DLGAP1: variants seen among roughly 807,000 people sequenced by gnomAD.
DLGAP1 encodes disks large-associated protein 1.
DLGAP1 carries 11 observed loss-of-function variants against 90.8 expected under a neutral mutation model. The observed-to-expected ratio is 0.12, with a 90% CI of 0.08 to 0.20. DLGAP1 has a LOEUF of 0.20. DLGAP1 is among the 10% of genes least tolerant of loss of function. The pLI, the probability that DLGAP1 is intolerant of heterozygous loss-of-function variation, is 1.00. For missense variants in DLGAP1, 1,050 were observed against 1,333.8 expected (o/e 0.79, Z 3.31); for synonymous variants, 558 against 540.7 (o/e 1.03, Z -0.44).
chr18:3,832,668 CTT>C (rs531665859), intron 4 of DLGAP1, among the ~76,000 whole-genome samples: 1 of 142,612 alleles, frequency 7.0e-6, no homozygotes. Context: ...AGAGAACCTT[CTT>C]TTTTTTTTTT....
chr18:3,840,296 C>T (rs1371158148), intron 4 of DLGAP1, among the ~76,000 whole-genome samples: 1 of 152,144 alleles, frequency 6.6e-6, no homozygotes, highest in Non-Finnish European at 1.5e-5. Flanking sequence ...GTTGTGGAGG[C>T]CAGAAGTCCA....
chr18:4,272,730 T>G (rs1233226938), intron 1 of DLGAP1, among the ~76,000 whole-genome samples: 1 of 152,220 alleles, frequency 6.6e-6, no homozygotes, highest in East Asian at 1.9e-4. Flanking sequence ...TGGCCTACAT[T>G]GTATGCCCTC....
intron 1 of DLGAP1, among the ~76,000 whole-genome samples, chr18:4,398,725 T>C (rs2082489753): frequency 6.6e-6 from 1 of 152,214 alleles, no homozygotes. Flanking sequence ...CAATACTCTA[T>C]GTGTCCATTA....
chr18:4,072,948 A>G (rs7504269), intron 2 of DLGAP1, among the ~76,000 whole-genome samples: 80,840 of 151,988 alleles, frequency 0.53, 22,510 homozygotes, highest in Non-Finnish European at 0.64. Flanking sequence ...ATGTTGGAGT[A>G]AGAACGTGGA....
chr18:4,350,113 T>C (rs957352545), intron 1 of DLGAP1, among the ~76,000 whole-genome samples: 1 of 152,170 alleles, frequency 6.6e-6, no homozygotes, highest in Admixed American at 6.6e-5. Flanking sequence ...TCTTCTTCAA[T>C]GCCTCTGCTG....
intron 1 of DLGAP1, among the ~76,000 whole-genome samples, chr18:4,289,161 AAAG>A (rs1396051510): frequency 1.3e-5 from 2 of 152,184 alleles, no homozygotes; most frequent in South Asian, 4.1e-4. Context: ...TCCTAGGAAC[AAAG>A]AAGGACTGGC....
At chr18:4,086,448 A>C (rs2075682213) in intron 2 of DLGAP1, among the ~76,000 whole-genome samples, 1 of 152,180 alleles carries the variant, frequency 6.6e-6, no homozygotes, top group Non-Finnish European at 1.5e-5. Flanking sequence ...TAATGCTATA[A>C]ATTTTCCTAC....
chr18:3,926,636 C>G (rs56188876), intron 3 of DLGAP1, among the ~76,000 whole-genome samples: 9,188 of 151,626 alleles, frequency 0.061, 353 homozygotes, highest in Non-Finnish European at 0.09. Context: ...CTACATAGAG[C>G]TCTCTATATA....
At chr18:4,232,636 A>G (rs2078324353) in intron 1 of DLGAP1, among the ~76,000 whole-genome samples, 1 of 152,228 alleles carries the variant, frequency 6.6e-6, no homozygotes, top group Non-Finnish European at 1.5e-5. Flanking sequence ...GACATTAAGA[A>G]CAAGGAAACA....
intron 7 of DLGAP1, among the ~76,000 whole-genome samples, chr18:3,589,032 A>C (rs968883034): frequency 8.6e-5 from 13 of 151,686 alleles, no homozygotes; most frequent in African/African-American, 2.9e-4. Context: ...AAATATATAA[A>C]AAAAAATTAA....
At chr18:4,382,606 T>A (rs73941481) in intron 1 of DLGAP1, among the ~76,000 whole-genome samples, 6 of 151,862 alleles carry the variant, frequency 4.0e-5, no homozygotes, top group African/African-American at 1.5e-4. Context: ...ACTTTGCAAT[T>A]AAAAAAACCT....
chr18:3,919,709 T>G (rs1417847618), intron 3 of DLGAP1, among the ~76,000 whole-genome samples: 2 of 152,258 alleles, frequency 1.3e-5, no homozygotes, highest in African/African-American at 4.8e-5. Context: ...TCATCTATGT[T>G]ATTTCACTTA....
chr18:3,678,032 G>A (rs1350157188), intron 7 of DLGAP1, among the ~76,000 whole-genome samples: 1 of 148,412 alleles, frequency 6.7e-6, no homozygotes, highest in African/African-American at 2.5e-5. Context: ...TGCAATCTTG[G>A]CTCACTGCAA....
In DLGAP1 at chr18:3,879,673, G is replaced by A. The variant is rs375163425; in HGVS notation, c.396C>T (p.Ser132=). ...QYKRTAVEHR[S]DSPGRIRHLV... ...GGTGGCGGATGCGGCCGGGGCTGTC[G>A]CTGCGGTGCTCCACGGCCGTGCGCT... Residue 132 remains serine (S), a synonymous_variant, in exon 4 of 13, where the codon AGC becomes AGT. Transcript: ENST00000315677. This position sits in a 1 kb window ranked among gnomAD's most constrained non-coding sequence, Gnocchi z 6.6. 1.9e-6 allele frequency: 3 copies of A among 1,606,584 alleles called. No homozygotes were observed. The highest frequency in any genetic ancestry group is 2.5e-6 in the Non-Finnish European group (3 of 1,179,530).
At chr18:3,904,555 T>A (rs972997114) in intron 3 of DLGAP1, among the ~76,000 whole-genome samples, 2 of 152,194 alleles carry the variant, frequency 1.3e-5, no homozygotes, top group Non-Finnish European at 2.9e-5. Flanking sequence ...GCATTGATCA[T>A]CGGCATTCTT....
Position 3,558,236 on chromosome 18 carries a change from TTTTG to T in DLGAP1, c.2057+9250_2057+9253del, listed in dbSNP as rs1334636213. Among the ~76,000 whole-genome samples, 8 of 152,120 alleles carry T rather than the reference TTTTG, an allele frequency of 5.3e-5. No homozygotes were observed. In the East Asian group the frequency reaches 9.7e-4, roughly 18 times the overall value. ...TTCAAGAACTCATGTATTTTGTAGT[TTTTG>T]TTTGTTTGTTTGTTTGTTTTGAGAC... On this transcript the variant is annotated intron_variant, in intron 9 of 12. Transcript: ENST00000315677.
intron 1 of DLGAP1, among the ~76,000 whole-genome samples, chr18:4,355,119 T>A (rs1039812966): frequency 3.3e-5 from 5 of 152,024 alleles, no homozygotes; most frequent in Admixed American, 2.0e-4. Context: ...GCAATGACAC[T>A]CTTAGGCATT....
intron 5 of DLGAP1, among the ~76,000 whole-genome samples, chr18:3,772,274 CCTTT>C (rs1179853090): frequency 2.7e-5 from 4 of 148,450 alleles, no homozygotes; most frequent in Non-Finnish European, 4.5e-5. Flanking sequence ...CTCTTTCCTT[CCTTT>C]CTCTCCTTTT....
intron 7 of DLGAP1, among the ~76,000 whole-genome samples, chr18:3,692,106 T>C (rs777622684): frequency 6.6e-6 from 1 of 152,182 alleles, no homozygotes; most frequent in Middle Eastern, 3.2e-3. Context: ...TAGGAGGACT[T>C]TGAAAAATTT....
Sources: allele counts gnomAD v4.1 joint callset (sites outside exome capture counted in the v4.1 genomes callset), GRCh38; gene constraint gnomAD v4.1.1; non-coding constraint Gnocchi (gnomAD v3.1); transcripts MANE v1.5; gene names NCBI Gene and HGNC (gene_info 2026-07-23, HGNC 2026-07-21).